Variants in FSD1 observed in about 807,000 individuals in gnomAD.
FSD1 encodes fibronectin type III and SPRY domain containing 1, also known as fibronectin type III and SPRY domain-containing protein 1.
In FSD1, 23 loss-of-function variants were observed where a neutral mutation model predicts 58.2. The ratio of observed to expected loss-of-function variants is 0.40; its 90% CI spans 0.28 to 0.56. FSD1 has a LOEUF of 0.56. Ranked by LOEUF, FSD1 falls within the 20% of genes least tolerant of loss-of-function variation. The probability of loss-of-function intolerance (pLI) is 0.54; values close to 1 mark genes in which losing one functional copy is unlikely to be tolerated. For synonymous variants in FSD1, 265 were observed against 263.4 expected (o/e 1.01, Z -0.06); for missense variants, 563 against 670.8 (o/e 0.84, Z 1.78).
At position 4,323,204 on chromosome 19, in the gene FSD1, G is replaced by A. The variant is rs1454776561; in HGVS notation, c.1258G>A (p.Asp420Asn). Reference protein sequence around the residue: ...KVKVLDAPVPDCLGVHCDFHQ... With the variant: ...KVKVLDAPVPNCLGVHCDFHQ... ...CAAGGTGCTGGACGCCCCCGTGCCC[G>A]ACTGCCTGGGTGTGCACTGTGACTT... Residue 420 changes from aspartate to asparagine, a missense_variant, in exon 11 of 13, where the codon GAC becomes AAC. Physicochemically the swap from Asp to Asn is conservative, Grantham distance 23. Coordinates refer to ENST00000221856, the MANE Select transcript of FSD1 (RefSeq NM_024333.3). This position sits in a 1 kb window ranked among gnomAD's most constrained non-coding sequence, Gnocchi z 7.7. 1.0e-5 allele frequency: 16 copies of A among 1,604,800 alleles called. No individual in the cohort carries two copies. The highest frequency in any genetic ancestry group is 1.6e-4 in the Middle Eastern group (1 of 6,080).
intron 9 of FSD1, 135 bp from the exon 10 acceptor site, chr19:4,318,737 T>C (rs941515314): frequency 1.3e-5 from 10 of 794,578 alleles, no homozygotes; most frequent in Admixed American, 3.9e-5. Context: ...GTGCTCGATA[T>C]ATAGATAGAG....
chr19:4,314,685 C>T (rs1159514253), intron 7 of FSD1, among the ~76,000 whole-genome samples: 3 of 152,214 alleles, frequency 2.0e-5, no homozygotes, highest in Admixed American at 2.0e-4. Context: ...TGGGGTTTCT[C>T]CATGTTGACC....
intron 3 of FSD1, among the ~76,000 whole-genome samples, chr19:4,307,623 C>T (rs1470096753): frequency 6.6e-6 from 1 of 152,180 alleles, no homozygotes; most frequent in Non-Finnish European, 1.5e-5. Context: ...CCCGCCTCAG[C>T]CTCCCAAAGT....
intron 3 of FSD1, 66 bp from the exon 4 acceptor site, chr19:4,307,816 G>A: frequency 8.4e-7 from 1 of 1,186,358 alleles, no homozygotes; most frequent in Non-Finnish European, 1.2e-6. Flanking sequence ...AATGGGGTGG[G>A]GAGCCCTCAG....
At chr19:4,320,928 A>G (rs79734249) in intron 10 of FSD1, among the ~76,000 whole-genome samples, 300 of 68,226 alleles carry the variant, frequency 4.4e-3, no homozygotes, top group Non-Finnish European at 5.3e-3. Flanking sequence ...GGAATAGCTG[A>G]GACTGAGGAG....
At chr19:4,304,904 C>T (rs995734782) in intron 1 of FSD1, 143 bp downstream of exon 1, 1 of 426,150 alleles carries the variant, frequency 2.3e-6, no homozygotes, top group Non-Finnish European at 3.9e-6. Flanking sequence ...CGCGACCCCG[C>T]CCGGATCTAG....
chr19:4,318,388 T>C lies in FSD1; in HGVS notation c.842T>C (p.Leu281Pro). The change falls in exon 9 of 13, where the codon CTG (leucine) becomes CCG (proline). Residue 281 changes from leucine to proline, a missense_variant. Coordinates refer to ENST00000221856, the MANE Select transcript of FSD1 (RefSeq NM_024333.3). ...GATGCGTCCACATCCCACCAGAACC[T>C]GCGGGTGGATGATCTCTCCGTGGAG... is the stretch of plus-strand genomic sequence containing the variant. ...RLDASTSHQN[L>P]RVDDLSVEWD... 1 of 1,613,834 alleles carries C rather than the reference T, an allele frequency of 6.2e-7. No homozygotes were observed. The highest frequency in any genetic ancestry group is 8.5e-7 in the Non-Finnish European group (1 of 1,179,976).
intron 10 of FSD1, among the ~76,000 whole-genome samples, chr19:4,320,057 G>C (rs1363145595): frequency 6.6e-6 from 1 of 152,088 alleles, no homozygotes; most frequent in African/African-American, 2.4e-5. Context: ...TCCCAATTCA[G>C]AGGGTTCCTG....
chr19:4,305,068 G>A (rs1555730095), intron 1 of FSD1, among the ~76,000 whole-genome samples: 1 of 51,902 alleles, frequency 1.9e-5, no homozygotes, highest in Non-Finnish European at 3.7e-5. Context: ...CAGGCGTCCC[G>A]GCCCCCCGCC....
Position 4,323,685 on chromosome 19 carries a change from C to A in FSD1, c.*42C>A. The A allele has an allele frequency of 1.4e-6, 2 of 1,402,326 alleles. No homozygotes were observed. Among genetic ancestry groups the A allele is most frequent in the South Asian group, 1.2e-5 (1 of 82,548 alleles). The allele number at this position is 1,402,326 out of a possible 1,614,324, so 86.9% of individuals were successfully genotyped here. A position where few individuals can be genotyped will look rare whatever the true frequency, so the allele number is the denominator to read the frequency against. On this transcript the variant is annotated 3_prime_UTR_variant, in exon 13 of 13. Coordinates refer to ENST00000221856, the MANE Select transcript of FSD1 (RefSeq NM_024333.3). This position sits in a 1 kb window ranked among gnomAD's most constrained non-coding sequence, Gnocchi z 7.7. ...CCAGCTGGGGTGTTTTTGGGGGAGT[C>A]GCCGCCAAGCCCAGGCTGCTGGAGC...
Position 4,323,747 on chromosome 19 carries a change from T to C in FSD1, c.*104T>C. The C allele has an allele frequency of 2.6e-6, 2 of 774,058 alleles. No individual in the cohort carries two copies. Among genetic ancestry groups the C allele is most frequent in the South Asian group, 3.5e-5 (2 of 56,986 alleles). The allele number at this position is 774,058 out of a possible 1,614,324, so 47.9% of individuals were successfully genotyped here. A position where few individuals can be genotyped will look rare whatever the true frequency, so the allele number is the denominator to read the frequency against. On this transcript the variant is annotated 3_prime_UTR_variant, in exon 13 of 13. Coordinates refer to ENST00000221856, the MANE Select transcript of FSD1 (RefSeq NM_024333.3). The surrounding 1 kb of genome is among the most constrained non-coding windows in gnomAD (Gnocchi z 7.7). ...CTCTGTCACTTGCTGCTTGGAGCCT[T>C]AACTCCAGATGGGGGGGTCACCAAG... is the stretch of plus-strand genomic sequence containing the variant.
chr19:4,304,840 C>A, intron 1 of FSD1, 79 bp downstream of exon 1: 1 of 486,596 alleles, frequency 2.1e-6, no homozygotes. Context: ...GCAGCGCCCC[C>A]ACTCCCTCCC....
chr19:4,322,857 C>T lies in FSD1; in HGVS notation c.1040-129C>T, dbSNP rs985771996. ...GTATCTGGGGGGTACAGCTAGGAAC[C>T]TGGGGAGTGTCTCTGCAGGGAGCAG... On this transcript the variant is annotated intron_variant, in intron 10 of 12. Coordinates refer to ENST00000221856, the MANE Select transcript of FSD1 (RefSeq NM_024333.3). 3.4e-6 allele frequency: 4 copies of T among 1,165,110 alleles called. No individual in the cohort carries two copies. In the African/African-American group the frequency reaches 4.6e-5, roughly 13 times the overall value. 72.2% of individuals were successfully genotyped at this position (1,165,110 alleles called of 1,614,324 possible).
At chr19:4,318,801 G>A in intron 9 of FSD1, 71 bp from the exon 10 acceptor site, 1 of 1,262,076 alleles carries the variant, frequency 7.9e-7, no homozygotes, top group Non-Finnish European at 1.2e-6. Flanking sequence ...GTGGACTAGG[G>A]TAGCCTTACC....
intron 10 of FSD1, among the ~76,000 whole-genome samples, chr19:4,322,214 G>GA (rs1971827271): frequency 6.7e-6 from 1 of 149,416 alleles, no homozygotes; most frequent in East Asian, 2.0e-4. Context: ...GGAGTATCTG[G>GA]GAGAATTAGC....
intron 10 of FSD1, among the ~76,000 whole-genome samples, chr19:4,319,893 G>A (rs1382101515): frequency 6.6e-6 from 1 of 152,170 alleles, no homozygotes; most frequent in Admixed American, 6.6e-5. Context: ...TGTGATCTGG[G>A]AGGGGCGAGA....
At chr19:4,316,871 C>T (rs1354899558) in intron 7 of FSD1, among the ~76,000 whole-genome samples, 1 of 152,150 alleles carries the variant, frequency 6.6e-6, no homozygotes, top group African/African-American at 2.4e-5. Flanking sequence ...CTGCCTCAGC[C>T]TCCTGAGTAG....
intron 10 of FSD1, among the ~76,000 whole-genome samples, chr19:4,320,043 G>A (rs890213626): frequency 6.6e-6 from 1 of 152,028 alleles, no homozygotes; most frequent in Admixed American, 6.6e-5. Context: ...GAAGCCAAGG[G>A]GTATCCCAAT....
At chr19:4,319,008 G>C in intron 10 of FSD1, 57 bp downstream of exon 10, 1 of 1,356,500 alleles carries the variant, frequency 7.4e-7, no homozygotes, top group Non-Finnish European at 1.1e-6. Context: ...CCTAATGGTG[G>C]GGGTTGAGGG....
Sources: allele counts gnomAD v4.1 joint callset (sites outside exome capture counted in the v4.1 genomes callset), GRCh38; gene constraint gnomAD v4.1.1; non-coding constraint Gnocchi (gnomAD v3.1); transcripts MANE v1.5; gene names NCBI Gene and HGNC (gene_info 2026-07-23, HGNC 2026-07-21).